The following RBP3 variants were observed in gnomAD, a reference collection of about 807,000 sequenced individuals.
RBP3 encodes retinol-binding protein 3.
In RBP3, 50 loss-of-function variants were observed where a neutral mutation model predicts 64.8. The observed-to-expected ratio is 0.77, with a 90% confidence interval of 0.61 to 0.98. RBP3 has a LOEUF of 0.98. RBP3 is among the 50% of genes least tolerant of loss of function. The pLI, the probability that RBP3 is intolerant of heterozygous loss-of-function variation, is 0.00. For synonymous variants in RBP3, 828 were observed against 730.2 expected (o/e 1.13, Z -2.16); for missense variants, 1,712 against 1,660.5 (o/e 1.03, Z -0.54).
Position 47,348,425 on chromosome 10 carries a change from C to T in RBP3, c.-60C>T, listed in dbSNP as rs558982642. On this transcript the variant is annotated 5_prime_UTR_variant, in exon 1 of 4. It adds an upstream start codon to the 5' untranslated region. Coordinates refer to ENST00000584701, the MANE Select transcript of RBP3 (RefSeq NM_002900.3). ...AAGGCAGCTGCACAGAGCAGGGCCA[C>T]GGCCTTGCACACAGTCCAGGGAGCT... The T allele has an allele frequency of 7.7e-6, 12 of 1,557,724 alleles. No homozygotes were observed. The highest frequency in any genetic ancestry group is 4.6e-5 in the South Asian group (4 of 87,476).
At position 47,357,617 on chromosome 10, in the gene RBP3, C is replaced by G. The variant is rs1480455689; in HGVS notation, c.*160C>G. 1.6e-6 allele frequency: 1 copy of G among 608,010 alleles called. No homozygotes were observed. Among genetic ancestry groups the G allele is most frequent in the Non-Finnish European group, 2.9e-6 (1 of 339,702 alleles). 37.7% of individuals were successfully genotyped at this position (608,010 alleles called of 1,614,324 possible). On this transcript the variant is annotated 3_prime_UTR_variant, in exon 4 of 4. Transcript: ENST00000584701. The stretch of plus-strand genomic sequence containing the variant: ...CTGGAGGTGTGTATATATACACACA[C>G]ACACATGTATATACACATATATATG...
rs782245115 is a variant in RBP3 at position 47,350,407 on chromosome 10, G to T, written c.1923G>T (p.Glu641Asp). ...ACCAAAGCCTGGGGGCCTTGGTGGA[G>T]GGCACAGGGCACCTGCTGGAGGCCC... ...EFHQSLGALV[E>D]GTGHLLEAHY... Residue 641 changes from glutamate (E) to aspartate (D), a missense_variant, in exon 1 of 4, where the codon GAG (glutamate) becomes GAT (aspartate). Physicochemically the swap from Glu to Asp is conservative, Grantham distance 45 (BLOSUM62 2). Coordinates refer to ENST00000584701, the MANE Select transcript of RBP3 (RefSeq NM_002900.3). The T allele has an allele frequency of 6.6e-5, 106 of 1,612,126 alleles. No individual in the cohort carries two copies. Among genetic ancestry groups the T allele is most frequent in the Admixed American group, 8.3e-5 (5 of 59,952 alleles).
chr10:47,350,288 C>G lies in RBP3; in HGVS notation c.1804C>G (p.His602Asp). The change falls in exon 1 of 4, where the codon CAC becomes GAC. Residue 602 changes from histidine to aspartate, a missense_variant. Coordinates refer to ENST00000584701, the MANE Select transcript of RBP3 (RefSeq NM_002900.3). ...GCCGGTCCTCACCTTCATCGACAAT[C>G]ACGGCGAGGCCTGGCTGGGTGGTGG... ...TVPVLTFIDN[H>D]GEAWLGGGVV... The G allele has an allele frequency of 6.2e-7, 1 of 1,609,004 alleles. No homozygotes were observed. The highest frequency in any genetic ancestry group is 1.1e-5 in the South Asian group (1 of 91,082).
rs199687745 is a variant in RBP3 at position 47,349,262 on chromosome 10, G to T, written c.778G>T (p.Gly260Trp). The T allele has an allele frequency of 2.5e-6, 4 of 1,613,126 alleles. No homozygotes were observed. The East Asian group carries it at 8.9e-5, about 36-fold the overall frequency. ...RRAIVVGERTGGGALDLRKLR... is the reference protein window; with the variant it reads ...RRAIVVGERTWGGALDLRKLR... ...GGCCATCGTGGTGGGCGAGCGGACTGGGGGAGGGGCCCTGGACCTCCGGAA... is the reference window on the plus strand; with the variant it reads ...GGCCATCGTGGTGGGCGAGCGGACTTGGGGAGGGGCCCTGGACCTCCGGAA... The change falls in exon 1 of 4, where the codon GGG (glycine) becomes TGG (tryptophan). Residue 260 changes from glycine to tryptophan, a missense_variant. Coordinates refer to ENST00000584701, the MANE Select transcript of RBP3 (RefSeq NM_002900.3).
In RBP3 at chr10:47,357,242, C is replaced by A. The variant is rs1555212062; in HGVS notation, c.3529C>A (p.Pro1177Thr). 5 of 1,614,070 alleles carry A rather than the reference C, an allele frequency of 3.1e-6. No individual in the cohort carries two copies. In the South Asian group the frequency reaches 5.5e-5, roughly 18 times the overall value. Residue 1177 changes from proline (P) to threonine (T), a missense_variant, in exon 4 of 4, where the codon CCA becomes ACA. By Grantham distance (38) the Pro-to-Thr change is conservative (BLOSUM62 -1). Coordinates refer to ENST00000584701, the MANE Select transcript of RBP3 (RefSeq NM_002900.3). ...IGEVTSGGCQ[P>T]PQTYHVDDTN... ...GGAGGTGACCAGTGGGGGCTGCCAG[C>A]CACCACAGACCTACCACGTGGATGA...
rs1387237583 is a variant in RBP3 at position 47,349,713 on chromosome 10, G to T, written c.1229G>T (p.Gly410Val). 1 of 1,612,062 alleles carries T rather than the reference G, an allele frequency of 6.2e-7. No homozygotes were observed. Among genetic ancestry groups the T allele is most frequent in the Non-Finnish European group, 8.5e-7 (1 of 1,180,012 alleles). The change falls in exon 1 of 4, where the codon GGG becomes GTG. Residue 410 changes from glycine (G) to valine (V), a missense_variant. Coordinates refer to ENST00000584701, the MANE Select transcript of RBP3 (RefSeq NM_002900.3). ...APDAAAEDSP[G>V]VAPELPEDEA... ...GACGCTGCAGCCGAAGACTCACCAG[G>T]GGTGGCCCCAGAGTTGCCTGAGGAC...
Position 47,357,727 on chromosome 10 carries a change from G to A in RBP3, c.*270G>A, listed in dbSNP as rs574139267. 60 of 340,686 alleles carry A rather than the reference G, an allele frequency of 1.8e-4. 1 individual carries two copies. In the Admixed American group the frequency reaches 1.9e-3, roughly 11 times the overall value. 21.1% of individuals were successfully genotyped at this position (340,686 alleles called of 1,614,324 possible). A position where few individuals can be genotyped will look rare whatever the true frequency, so the allele number is the denominator to read the frequency against. Reference sequence around the variant, plus strand: ...GGTTCCTTCTAAGTGGTAGAACTTGGGGTGGTATTTTTACCTTCCTTCTTC... The same window carrying A: ...GGTTCCTTCTAAGTGGTAGAACTTGAGGTGGTATTTTTACCTTCCTTCTTC... On this transcript the variant is annotated 3_prime_UTR_variant, in exon 4 of 4. Transcript: ENST00000584701.
chr10:47,349,671 C>A lies in RBP3; in HGVS notation c.1187C>A (p.Pro396His). The A allele has an allele frequency of 6.2e-7, 1 of 1,611,950 alleles. No homozygotes were observed. The highest frequency in any genetic ancestry group is 8.5e-7 in the Non-Finnish European group (1 of 1,180,014). The change falls in exon 1 of 4, where the codon CCT becomes CAT. Residue 396 changes from proline (P) to histidine (H), a missense_variant. Transcript: ENST00000584701. ...CGAGCCATCGGGCCCACAGAAACTC[C>A]TTCTTGGCCCGCGCCCGACGCTGCA... ...LVRAIGPTET[P>H]SWPAPDAAAE...
At chr10:47,352,134 G>A (rs1225224717) in intron 1 of RBP3, among the ~76,000 whole-genome samples, 1 of 152,202 alleles carries the variant, frequency 6.6e-6, no homozygotes, top group Non-Finnish European at 1.5e-5. Context: ...CAGGGCTTGG[G>A]TGCAGGCGCT....
Position 47,349,099 on chromosome 10 carries a change from C to T in RBP3, c.615C>T (p.Asn205=). 1 of 1,614,090 alleles carries T rather than the reference C, an allele frequency of 6.2e-7. No homozygotes were observed. Among genetic ancestry groups the T allele is most frequent in the South Asian group, 1.1e-5 (1 of 91,084 alleles). ...ACACTATCTACAACCGCCCCTCCAA[C>T]ACCACCACGGAGATCTGGACCTTGC... is the stretch of plus-strand genomic sequence containing the variant. The part of the protein sequence containing the change: ...HVDTIYNRPS[N]TTTEIWTLPQ... Residue 205 remains asparagine (N), a synonymous_variant, in exon 1 of 4, where the codon AAC becomes AAT. Coordinates refer to ENST00000584701, the MANE Select transcript of RBP3 (RefSeq NM_002900.3).
intron 3 of RBP3, among the ~76,000 whole-genome samples, chr10:47,356,851 C>T (rs1288934868): frequency 1.3e-5 from 2 of 152,208 alleles, no homozygotes; most frequent in African/African-American, 4.8e-5. Context: ...TTTCCTATCA[C>T]TTGGCATAAA....
chr10:47,350,718 A>G lies in RBP3; in HGVS notation c.2234A>G (p.Tyr745Cys), dbSNP rs1163454155. 1 of 1,613,158 alleles carries G rather than the reference A, an allele frequency of 6.2e-7. No homozygotes were observed. Among genetic ancestry groups the G allele is most frequent in the Non-Finnish European group, 8.5e-7 (1 of 1,180,028 alleles). The change falls in exon 1 of 4, where the codon TAC (tyrosine) becomes TGC (cysteine). Residue 745 changes from tyrosine to cysteine, a missense_variant. Coordinates refer to ENST00000584701, the MANE Select transcript of RBP3 (RefSeq NM_002900.3). ...KTEVLPGQLG[Y>C]LRFDAMAELE... ...GAGGTGCTGCCCGGCCAGCTGGGCTACCTGCGTTTTGACGCCATGGCTGAA... is the reference window on the plus strand; with the variant it reads ...GAGGTGCTGCCCGGCCAGCTGGGCTGCCTGCGTTTTGACGCCATGGCTGAA...
chr10:47,357,704 T>G lies in RBP3; in HGVS notation c.*247T>G. 2.6e-6 allele frequency: 1 copy of G among 382,804 alleles called. No homozygotes were observed. Among genetic ancestry groups the G allele is most frequent in the African/African-American group, 2.0e-5 (1 of 49,044 alleles). The allele number at this position is 382,804 out of a possible 1,614,324, so 23.7% of individuals were successfully genotyped here. A position where few individuals can be genotyped will look rare whatever the true frequency, so the allele number is the denominator to read the frequency against. On this transcript the variant is annotated 3_prime_UTR_variant, in exon 4 of 4. Transcript: ENST00000584701. ...ATAACCACCTAAATTTTAACAAAGG[T>G]TCCTTCTAAGTGGTAGAACTTGGGG... is the stretch of plus-strand genomic sequence containing the variant.
intron 3 of RBP3, 92 bp from the exon 4 acceptor site, chr10:47,357,010 C>T: frequency 1.7e-6 from 2 of 1,207,964 alleles, no homozygotes; most frequent in South Asian, 1.3e-5. Context: ...CCCCGGGCCT[C>T]CTCCATCACT....
chr10:47,351,588 C>T (rs1415097402), intron 1 of RBP3, 50 bp downstream of exon 1: 3 of 1,605,170 alleles, frequency 1.9e-6, no homozygotes, highest in Non-Finnish European at 2.6e-6. Context: ...AGTGAGTTGA[C>T]CCATTGTCCG....
chr10:47,357,686 C>G lies in RBP3; in HGVS notation c.*229C>G. 2.5e-6 allele frequency: 1 copy of G among 405,950 alleles called. No homozygotes were observed. Among genetic ancestry groups the G allele is most frequent in the Non-Finnish European group, 4.4e-6 (1 of 229,608 alleles). 25.1% of individuals were successfully genotyped at this position (405,950 alleles called of 1,614,324 possible). A position where few individuals can be genotyped will look rare whatever the true frequency, so the allele number is the denominator to read the frequency against. ...TATATATATGGCTTTCCAATAACCA[C>G]CTAAATTTTAACAAAGGTTCCTTCT... On this transcript the variant is annotated 3_prime_UTR_variant, in exon 4 of 4. Transcript: ENST00000584701.
chr10:47,349,278 A>T lies in RBP3; in HGVS notation c.794A>T (p.Asp265Val), dbSNP rs782210102. 25 of 1,612,858 alleles carry T rather than the reference A, an allele frequency of 1.6e-5. No individual in the cohort carries two copies. Among genetic ancestry groups the T allele is most frequent in the Non-Finnish European group, 1.7e-5 (20 of 1,179,952 alleles). ...GAGCGGACTGGGGGAGGGGCCCTGG[A>T]CCTCCGGAAGCTGAGGATAGGCGAG... The part of the protein sequence containing the change: ...VGERTGGGAL[D>V]LRKLRIGESD... The change falls in exon 1 of 4, where the codon GAC (aspartate) becomes GTC (valine). Residue 265 changes from aspartate to valine, a missense_variant. Transcript: ENST00000584701.
Position 47,349,212 on chromosome 10 carries a change from C to G in RBP3, c.728C>G (p.Ala243Gly). 1.9e-6 allele frequency: 3 copies of G among 1,613,552 alleles called. No individual in the cohort carries two copies. Among genetic ancestry groups the G allele is most frequent in the East Asian group, 4.5e-5 (2 of 44,870 alleles). Reference sequence around the variant, plus strand: ...ACCAGGGGCGTGGCCGAGGACATCGCGCACATCCTTAAGCAGATGCGCAGG... The same window carrying G: ...ACCAGGGGCGTGGCCGAGGACATCGGGCACATCCTTAAGCAGATGCGCAGG... ...SQTRGVAEDI[A>G]HILKQMRRAI... Residue 243 changes from alanine (A) to glycine (G), a missense_variant, in exon 1 of 4, where the codon GCG (alanine) becomes GGG (glycine). Transcript: ENST00000584701.
chr10:47,352,052 T>C (rs1418734140), intron 1 of RBP3, among the ~76,000 whole-genome samples: 3 of 152,234 alleles, frequency 2.0e-5, no homozygotes, highest in African/African-American at 7.2e-5. Context: ...GTTCTACCTG[T>C]GGTCTGCTGC....
Sources: gnomAD v4.1 joint callset for allele counts (sites outside exome capture counted in the v4.1 genomes callset) on GRCh38, gnomAD v4.1.1 for gene constraint, MANE v1.5 for transcripts, NCBI Gene and HGNC (gene_info 2026-07-23, HGNC 2026-07-21) for gene names.